Variants in CLTB observed in about 807,000 individuals in gnomAD.
The protein encoded by CLTB is clathrin, light chain (Lcb).
Under a neutral mutation model 30.5 loss-of-function variants are expected in CLTB, and 10 were observed. The observed-to-expected ratio is 0.33, with a 90% CI of 0.20 to 0.56. CLTB has a LOEUF of 0.56. Ranked by LOEUF, CLTB falls within the 20% of genes least tolerant of loss-of-function variation. CLTB has a pLI of 0.91. For synonymous variants in CLTB, 102 were observed against 120.3 expected (o/e 0.85, Z 1.00); for missense variants, 261 against 308.3 (o/e 0.85, Z 1.15).
At chr5:176,402,122 G>C (rs948207778) in intron 2 of CLTB, among the ~76,000 whole-genome samples, 6 of 152,066 alleles carry the variant, frequency 3.9e-5, no homozygotes, top group Non-Finnish European at 7.4e-5. Context: ...GGGCAACGTG[G>C]TAAAACCCCA....
chr5:176,402,803 G>C (rs982386797), intron 2 of CLTB, among the ~76,000 whole-genome samples: 1 of 152,164 alleles, frequency 6.6e-6, no homozygotes, highest in Admixed American at 6.6e-5. Context: ...ACACAGTTCA[G>C]ATAAAGAGAG....
intron 2 of CLTB, among the ~76,000 whole-genome samples, chr5:176,407,233 A>G (rs1177654748): frequency 1.3e-5 from 2 of 152,186 alleles, no homozygotes; most frequent in Non-Finnish European, 2.9e-5. Flanking sequence ...GTGACTTTGC[A>G]TTCACCACTT....
At chr5:176,415,256 A>T (rs915215045) in intron 1 of CLTB, among the ~76,000 whole-genome samples, 2 of 152,224 alleles carry the variant, frequency 1.3e-5, no homozygotes, top group East Asian at 3.8e-4. Context: ...GTCGACAACT[A>T]CAAAACCCTG....
intron 2 of CLTB, chr5:176,406,129 G>A: frequency 2.0e-6 from 2 of 985,820 alleles, no homozygotes; most frequent in Non-Finnish European, 2.4e-6. Flanking sequence ...CAGTGTCACG[G>A]GCCACAACTG....
chr5:176,401,986 G>A (rs777022429), intron 2 of CLTB: 17 of 320,448 alleles, frequency 5.3e-5, no homozygotes, highest in South Asian at 1.7e-4. Context: ...GTCTAAATCC[G>A]ATTTATCATG....
At chr5:176,415,301 T>G (rs990212605) in intron 1 of CLTB, among the ~76,000 whole-genome samples, 2 of 152,196 alleles carry the variant, frequency 1.3e-5, no homozygotes, top group African/African-American at 2.4e-5. Flanking sequence ...TGCCTCTTTG[T>G]GGCCCACACT....
chr5:176,412,053 G>A (rs1325501011), intron 1 of CLTB, among the ~76,000 whole-genome samples: 3 of 151,818 alleles, frequency 2.0e-5, no homozygotes, highest in South Asian at 2.1e-4. Flanking sequence ...GCAGGCGCCT[G>A]TAGTCCCAGC....
At position 176,416,417 on chromosome 5, in the gene CLTB, C is replaced by A. The variant is rs892353102; in HGVS notation, c.-54G>T. Reference sequence around the variant, plus strand: ...CTGCGCTCGGCTCTGCCCGCGCCTGCCCCGCGCTGCGTCCGGCGGCCGCGA... The same window carrying A: ...CTGCGCTCGGCTCTGCCCGCGCCTGACCCGCGCTGCGTCCGGCGGCCGCGA... On this transcript the variant is annotated 5_prime_UTR_variant, in exon 1 of 6. Coordinates refer to ENST00000310418, the MANE Select transcript of CLTB (RefSeq NM_007097.5). 7 of 1,397,900 alleles carry A rather than the reference C, an allele frequency of 5.0e-6. No homozygotes were observed. Among genetic ancestry groups the A allele is most frequent in the Non-Finnish European group, 6.5e-6 (7 of 1,072,198 alleles). The allele number at this position is 1,397,900 out of a possible 1,614,324, so 86.6% of individuals were successfully genotyped here.
intron 2 of CLTB, among the ~76,000 whole-genome samples, chr5:176,404,846 C>A (rs1757027736): frequency 6.6e-6 from 1 of 152,228 alleles, no homozygotes. Flanking sequence ...TTGGCCAAGG[C>A]CACCCACATC....
At chr5:176,394,356 C>G (rs187327884) in intron 5 of CLTB, among the ~76,000 whole-genome samples, 2 of 152,216 alleles carry the variant, frequency 1.3e-5, no homozygotes, top group South Asian at 2.1e-4. Context: ...TTTCACGAGA[C>G]CCCCTGGTAA....
Position 176,401,818 on chromosome 5 carries a change from C to T in CLTB, c.235-3771G>A, listed in dbSNP as rs1581432940. On this transcript the variant is annotated intron_variant, in intron 2 of 5. Transcript: ENST00000310418. ...CCAGCCTCCTGTTCGTCCTTGATTTCTCCTTCCTTCCCATCCCCCGTGCAA... is the reference window on the plus strand; with the variant it reads ...CCAGCCTCCTGTTCGTCCTTGATTTTTCCTTCCTTCCCATCCCCCGTGCAA... 4 of 454,930 alleles carry T rather than the reference C, an allele frequency of 8.8e-6. No homozygotes were observed. The East Asian group carries it at 2.8e-4, about 32-fold the overall frequency. 28.2% of individuals were successfully genotyped at this position (454,930 alleles called of 1,614,324 possible).
In CLTB at chr5:176,392,709, A is replaced by G. The variant is rs1756311560; in HGVS notation, c.*65T>C. 2 of 1,576,762 alleles carry G rather than the reference A, an allele frequency of 1.3e-6. No homozygotes were observed. On this transcript the variant is annotated 3_prime_UTR_variant, in exon 6 of 6. Transcript: ENST00000310418. The surrounding 1 kb of genome is among the most constrained non-coding windows in gnomAD (Gnocchi z 5.2). ...GCTGCTGCGAGTCTCCACCCCGACC[A>G]AAGCAGCTGCTCCTCCTGTGCCCAG...
chr5:176,399,341 G>A (rs555743553), intron 2 of CLTB, among the ~76,000 whole-genome samples: 3 of 152,230 alleles, frequency 2.0e-5, no homozygotes, highest in African/African-American at 7.2e-5. Context: ...GAAAGAACTT[G>A]GACTCTGCAG....
chr5:176,402,691 C>G (rs1288882764), intron 2 of CLTB, among the ~76,000 whole-genome samples: 1 of 152,192 alleles, frequency 6.6e-6, no homozygotes, highest in East Asian at 1.9e-4. Context: ...CATAGATGTT[C>G]AGGCTTGGGG....
intron 2 of CLTB, among the ~76,000 whole-genome samples, chr5:176,403,515 C>T (rs1003600952): frequency 1.1e-4 from 16 of 151,850 alleles, no homozygotes; most frequent in African/African-American, 2.4e-4. Flanking sequence ...AGTGCAGTGA[C>T]GTGATCTCGG....
Position 176,416,435 on chromosome 5 carries a change from G to A in CLTB, c.-72C>T. ...GCGCCTGCCCCGCGCTGCGTCCGGC[G>A]GCCGCGACGCTGTCACCCGAGCCGC... On this transcript the variant is annotated 5_prime_UTR_variant, in exon 1 of 6. Coordinates refer to ENST00000310418, the MANE Select transcript of CLTB (RefSeq NM_007097.5). The A allele has an allele frequency of 7.7e-7, 1 of 1,298,806 alleles. No individual in the cohort carries two copies. Among genetic ancestry groups the A allele is most frequent in the Non-Finnish European group, 9.9e-7 (1 of 1,012,478 alleles). 80.5% of individuals were successfully genotyped at this position (1,298,806 alleles called of 1,614,324 possible).
At chr5:176,400,585 A>C (rs1461974014) in intron 2 of CLTB, among the ~76,000 whole-genome samples, 1 of 152,154 alleles carries the variant, frequency 6.6e-6, no homozygotes, top group Non-Finnish European at 1.5e-5. Flanking sequence ...ATCCAGGTCC[A>C]GCCACACCCG....
At chr5:176,402,484 T>TC (rs1051173087) in intron 2 of CLTB, among the ~76,000 whole-genome samples, 1 of 152,122 alleles carries the variant, frequency 6.6e-6, no homozygotes, top group Non-Finnish European at 1.5e-5. Flanking sequence ...GGAACATTCT[T>TC]CCCCTAGAAT....
chr5:176,401,644 G>A (rs1419591687), intron 2 of CLTB: 1 of 442,298 alleles, frequency 2.3e-6, no homozygotes, highest in Non-Finnish European at 4.6e-6. Flanking sequence ...AGAAAGGGCA[G>A]TGGGGGCTGC....
Sources: gnomAD v4.1 joint callset for allele counts (sites outside exome capture counted in the v4.1 genomes callset) on GRCh38, gnomAD v4.1.1 for gene constraint, Gnocchi (gnomAD v3.1) non-coding constraint, MANE v1.5 for transcripts, NCBI Gene and HGNC (gene_info 2026-07-23, HGNC 2026-07-21) for gene names.